The following NRIP1 variants were observed in gnomAD, a reference collection of about 807,000 sequenced individuals.
The protein encoded by NRIP1 is nuclear receptor-interacting protein 1.
Under a neutral mutation model 75.0 loss-of-function variants are expected in NRIP1, and 28 were observed. That is an observed-to-expected ratio of 0.37 (90% CI 0.28 to 0.51). The LOEUF (loss-of-function observed/expected upper bound fraction) is 0.51, where lower values mean the gene tolerates loss of function less well. Among genes scored for constraint, NRIP1 ranks in the 20% least tolerant of loss-of-function variants. The pLI is 0.92. For missense variants in NRIP1, 1,435 were observed against 1,343.7 expected (o/e 1.07, Z -1.06); for synonymous variants, 526 against 487.6 (o/e 1.08, Z -1.04).
At chr21:15,029,028 T>C (rs965046752) in intron 2 of NRIP1, among the ~76,000 whole-genome samples, 1 of 151,978 alleles carries the variant, frequency 6.6e-6, no homozygotes, top group African/African-American at 2.4e-5. Flanking sequence ...ATACAATCTT[T>C]TAGCAAATTC....
At chr21:15,009,092 G>A (rs1350071635) in intron 3 of NRIP1, among the ~76,000 whole-genome samples, 1 of 152,196 alleles carries the variant, frequency 6.6e-6, no homozygotes, top group Non-Finnish European at 1.5e-5. Context: ...GTACAATGTT[G>A]GTTTTCTTCA....
chr21:14,964,966 C>A lies in NRIP1; in HGVS notation c.3227G>T (p.Gly1076Val), dbSNP rs1837942255. Residue 1076 changes from glycine to valine, a missense_variant, in exon 4 of 4, where the codon GGC becomes GTC. By Grantham distance (109) the Gly-to-Val change is moderately radical. Transcript: ENST00000318948. The stretch of plus-strand genomic sequence containing the variant: ...TGTTTCTCGACTGGTAACAGAATTG[C>A]CTCCTTTTTGAAGCATGTAATATAG... Reference protein sequence around the residue: ...PILYYMLQKGGNSVTSRETQD... With the variant: ...PILYYMLQKGVNSVTSRETQD... 2 of 1,613,832 alleles carry A rather than the reference C, an allele frequency of 1.2e-6. No individual in the cohort carries two copies. Among genetic ancestry groups the A allele is most frequent in the Admixed American group, 1.7e-5 (1 of 60,000 alleles).
At position 14,964,758 on chromosome 21, in the gene NRIP1, T is replaced by C. The variant is rs765780472; in HGVS notation, c.3435A>G (p.Gly1145=). Residue 1145 remains glycine, a synonymous_variant, in exon 4 of 4, where the codon GGA becomes GGG. Transcript: ENST00000318948. ...RPHSANGEVY[G]LLGSVLTIKK... is the part of the protein sequence containing the mutation. Reference sequence around the variant, plus strand: ...TTATCGTTAGCACGCTTCCCAGAAGTCCATAAACTTCTCCATTTGCGCTGT... The same window carrying C: ...TTATCGTTAGCACGCTTCCCAGAAGCCCATAAACTTCTCCATTTGCGCTGT... 2 of 1,578,454 alleles carry C rather than the reference T, an allele frequency of 1.3e-6. No individual in the cohort carries two copies. The highest frequency in any genetic ancestry group is 1.7e-6 in the Non-Finnish European group (2 of 1,168,640).
chr21:15,065,890 G>A (rs1978843538), upstream of NRIP1: 1 of 152,198 alleles, frequency 6.6e-6, no homozygotes, highest in Non-Finnish European at 1.5e-5. Flanking sequence ...GAGCAGGGCT[G>A]CTACTTCTTC....
intron 3 of NRIP1, chr21:14,988,057 T>C (rs2087454133): frequency 6.6e-6 from 1 of 152,180 alleles, no homozygotes; most frequent in Admixed American, 6.5e-5. Flanking sequence ...TCTGCCAGTG[T>C]CAGTCTCTTG....
intron 3 of NRIP1, among the ~76,000 whole-genome samples, chr21:15,005,464 T>A (rs538858260): frequency 6.6e-6 from 1 of 152,136 alleles, no homozygotes; most frequent in Admixed American, 6.5e-5. Flanking sequence ...CACCGCATAA[T>A]TTTTTTGTTG....
At chr21:15,046,099 C>T (rs2089068555) in intron 1 of NRIP1, among the ~76,000 whole-genome samples, 1 of 152,178 alleles carries the variant, frequency 6.6e-6, no homozygotes, top group African/African-American at 2.4e-5. Flanking sequence ...GACCTCCTCC[C>T]ATTAATCACA....
chr21:15,038,629 T>C (rs929020042), intron 2 of NRIP1, among the ~76,000 whole-genome samples: 3 of 152,082 alleles, frequency 2.0e-5, no homozygotes, highest in African/African-American at 7.2e-5. Context: ...ATATTACCTT[T>C]CAAAGGGATG....
At chr21:15,002,739 C>T (rs758815112) in intron 3 of NRIP1, among the ~76,000 whole-genome samples, 3 of 152,088 alleles carry the variant, frequency 2.0e-5, no homozygotes, top group Non-Finnish European at 2.9e-5. Context: ...TACTATCCAG[C>T]GCAGTTTTAC....
In NRIP1 at chr21:15,043,236, T is replaced by C. The variant is rs75124460; in HGVS notation, c.-458+259A>G. Among the ~76,000 whole-genome samples, 1,894 of 152,340 alleles carry C rather than the reference T, an allele frequency of 0.012. 210 individuals carry two copies. The East Asian group carries it at 0.26, about 21-fold the overall frequency. ...ATTCTTTAAAATAGTTCTATAGTAG[T>C]AAAGTAAAATGTAAATACCTCAGTG... is the stretch of plus-strand genomic sequence containing the variant. On this transcript the variant is annotated intron_variant, in intron 2 of 3. Transcript: ENST00000318948.
At chr21:15,005,558 T>C (rs2087948052) in intron 3 of NRIP1, among the ~76,000 whole-genome samples, 1 of 152,156 alleles carries the variant, frequency 6.6e-6, no homozygotes, top group Non-Finnish European at 1.5e-5. Context: ...CAGGCGCCCT[T>C]GTACTGGATT....
rs75307341 is a variant in NRIP1 at position 15,004,350 on chromosome 21, C to T, written c.-335+9994G>A. On this transcript the variant is annotated intron_variant, in intron 3 of 3. Coordinates refer to ENST00000318948, the MANE Select transcript of NRIP1 (RefSeq NM_003489.4). ...ATAATGTTGAAGGTAACTTTCTCTA[C>T]ACAATGTCATTTTGTGGATAAAAAA... 0.016 allele frequency among the ~76,000 whole-genome samples: 2,408 copies of T among 152,314 alleles called. 230 individuals carry two copies. The East Asian group carries it at 0.27, about 17-fold the overall frequency.
chr21:15,059,975 T>C (rs972930873), intron 1 of NRIP1, among the ~76,000 whole-genome samples: 13 of 152,152 alleles, frequency 8.5e-5, no homozygotes, highest in Non-Finnish European at 1.3e-4. Flanking sequence ...ATTCTTCTGA[T>C]TTAAGAACTT....
At chr21:15,050,417 C>A in intron 1 of NRIP1, 1 of 279,568 alleles carries the variant, frequency 3.6e-6, no homozygotes, top group Non-Finnish European at 7.0e-6. Context: ...AGGACAATGT[C>A]TGAAGATTTC....
In NRIP1 at chr21:14,968,040, A is replaced by G. The variant is rs758551720; in HGVS notation, c.153T>C (p.Phe51=). 4 of 1,614,032 alleles carry G rather than the reference A, an allele frequency of 2.5e-6. No homozygotes were observed. Among genetic ancestry groups the G allele is most frequent in the South Asian group, 1.1e-5 (1 of 91,074 alleles). The change falls in exon 4 of 4, where the codon TTT becomes TTC. Residue 51 remains phenylalanine (F), a synonymous_variant. Coordinates refer to ENST00000318948, the MANE Select transcript of NRIP1 (RefSeq NM_003489.4). ...TGGGAAATGCACTGCCAGAAATGTT[A>G]AAGTTCTGATCCTCTTCATTATGCC... ...SAGHNEEDQN[F]NISGSAFPTC...
At chr21:15,006,490 C>T (rs542290680) in intron 3 of NRIP1, among the ~76,000 whole-genome samples, 2 of 152,252 alleles carry the variant, frequency 1.3e-5, no homozygotes, top group East Asian at 3.9e-4. Context: ...ATGCTTAAAT[C>T]ACAATATATG....
intron 3 of NRIP1, among the ~76,000 whole-genome samples, chr21:14,999,041 G>T (rs2087794705): frequency 6.6e-6 from 1 of 152,182 alleles, no homozygotes. Context: ...CTCGTGCTCT[G>T]TTGTCCAGGC....
At chr21:15,042,587 G>T (rs977460238) in intron 2 of NRIP1, among the ~76,000 whole-genome samples, 1 of 152,194 alleles carries the variant, frequency 6.6e-6, no homozygotes, top group African/African-American at 2.4e-5. Flanking sequence ...ATGCCCTCAT[G>T]AACAGGATTA....
At chr21:15,032,272 A>G (rs920079298) in intron 2 of NRIP1, among the ~76,000 whole-genome samples, 1 of 152,234 alleles carries the variant, frequency 6.6e-6, no homozygotes, top group Non-Finnish European at 1.5e-5. Context: ...CAAACCACAC[A>G]CTGCCTCATT....
Sources: allele counts gnomAD v4.1 joint callset (sites outside exome capture counted in the v4.1 genomes callset), GRCh38; gene constraint gnomAD v4.1.1; transcripts MANE v1.5; gene names NCBI Gene and HGNC (gene_info 2026-07-23, HGNC 2026-07-21).